Variants in COG5 observed in about 807,000 individuals in gnomAD.
COG5 encodes the protein component of oligomeric golgi complex 5.
COG5 carries 86 observed loss-of-function variants against 110.4 expected under a neutral mutation model. That is an observed-to-expected ratio of 0.78 (90% CI 0.65 to 0.93). The LOEUF (loss-of-function observed/expected upper bound fraction) is 0.93. Ranked by LOEUF, COG5 falls within the 40% of genes least tolerant of loss-of-function variation. The pLI is 0.00. For synonymous variants in COG5, 360 were observed against 334.6 expected (o/e 1.08, Z -0.83); for missense variants, 1,077 against 987.0 (o/e 1.09, Z -1.22).
chr7:107,324,857 G>T (rs1312104481), intron 10 of COG5, among the ~76,000 whole-genome samples: 1 of 152,112 alleles, frequency 6.6e-6, no homozygotes, highest in East Asian at 1.9e-4. Flanking sequence ...ATTAATAAAA[G>T]TCTTGGGACA....
chr7:107,468,315 A>G (rs1463541462), intron 6 of COG5, among the ~76,000 whole-genome samples: 1 of 152,068 alleles, frequency 6.6e-6, no homozygotes, highest in Non-Finnish European at 1.5e-5. Context: ...TCTGGCAGAA[A>G]AGCACTCTGC....
intron 5 of COG5, among the ~76,000 whole-genome samples, chr7:107,541,496 C>CAAAAAAAA (rs869244428): frequency 1.3e-4 from 4 of 31,958 alleles, no homozygotes; most frequent in Non-Finnish European, 1.4e-4. Context: ...GACCCTGTCT[C>CAAAAAAAA]AAAAAAAAAA....
At chr7:107,247,083 C>G (rs934992648) in intron 17 of COG5, among the ~76,000 whole-genome samples, 1 of 152,156 alleles carries the variant, frequency 6.6e-6, no homozygotes, top group African/African-American at 2.4e-5. Flanking sequence ...ATGGATGGAG[C>G]TGGATGCTAT....
chr7:107,501,895 T>C (rs746189229), intron 6 of COG5, among the ~76,000 whole-genome samples: 5 of 152,098 alleles, frequency 3.3e-5, no homozygotes, highest in Non-Finnish European at 7.4e-5. Flanking sequence ...GATATACACA[T>C]ATACATTACA....
At chr7:107,328,058 G>A (rs1397164208) in intron 10 of COG5, among the ~76,000 whole-genome samples, 2 of 152,168 alleles carry the variant, frequency 1.3e-5, no homozygotes, top group Non-Finnish European at 2.9e-5. Context: ...AGAATGAATG[G>A]ATAAAGAAAA....
At chr7:107,340,644 C>T (rs1445969647) in intron 10 of COG5, among the ~76,000 whole-genome samples, 2 of 152,102 alleles carry the variant, frequency 1.3e-5, no homozygotes, top group African/African-American at 4.8e-5. Flanking sequence ...AAAATACTAG[C>T]AAATGGAATC....
intron 19 of COG5, among the ~76,000 whole-genome samples, chr7:107,229,855 TTTG>T (rs1800645073): frequency 6.6e-6 from 1 of 150,828 alleles, no homozygotes; most frequent in Middle Eastern, 3.2e-3. Flanking sequence ...GTTTTTTTTT[TTTG>T]TTTTTTTTTT....
intron 16 of COG5, among the ~76,000 whole-genome samples, chr7:107,250,617 A>G (rs1461570047): frequency 1.3e-5 from 2 of 152,168 alleles, no homozygotes; most frequent in African/African-American, 4.8e-5. Flanking sequence ...TCAGGCAAGA[A>G]CCTCAATGAG....
chr7:107,375,292 T>C (rs898248157), intron 7 of COG5, among the ~76,000 whole-genome samples: 1 of 152,084 alleles, frequency 6.6e-6, no homozygotes, highest in Non-Finnish European at 1.5e-5. Context: ...TAGGCTTACT[T>C]CTACCTTTAG....
chr7:107,482,257 C>G (rs904741934), intron 6 of COG5, among the ~76,000 whole-genome samples: 2 of 151,846 alleles, frequency 1.3e-5, no homozygotes, highest in Admixed American at 6.6e-5. Flanking sequence ...ATTCTCACAC[C>G]TCAGCCTCCT....
chr7:107,388,372 G>A (rs886944489), intron 7 of COG5, among the ~76,000 whole-genome samples: 5 of 152,274 alleles, frequency 3.3e-5, no homozygotes, highest in Middle Eastern at 3.4e-3. Flanking sequence ...CGTTTATGGG[G>A]TGGCCCAAAA....
At chr7:107,318,618 TGA>T (rs146000621) in intron 11 of COG5, among the ~76,000 whole-genome samples, 2,163 of 152,324 alleles carry the variant, frequency 0.014, 60 homozygotes, top group African/African-American at 0.047. Flanking sequence ...CTGGTAGGGC[TGA>T]GTTTCTCTTC....
At chr7:107,291,712 G>A (rs746498278) in intron 12 of COG5, among the ~76,000 whole-genome samples, 10 of 152,100 alleles carry the variant, frequency 6.6e-5, no homozygotes, top group Non-Finnish European at 1.2e-4. Context: ...AATCTACAAA[G>A]GAGCTAATTG....
intron 10 of COG5, among the ~76,000 whole-genome samples, chr7:107,354,887 CA>C (rs1255798832): frequency 6.6e-6 from 1 of 152,152 alleles, no homozygotes; most frequent in Non-Finnish European, 1.5e-5. Context: ...TATCTGATAG[CA>C]GGTCAAAATT....
At chr7:107,288,230 A>C (rs762749154) in intron 12 of COG5, among the ~76,000 whole-genome samples, 5 of 152,090 alleles carry the variant, frequency 3.3e-5, no homozygotes, top group Non-Finnish European at 7.4e-5. Flanking sequence ...CAGGCATGGG[A>C]GTGCACGCCT....
intron 5 of COG5, among the ~76,000 whole-genome samples, chr7:107,530,616 A>AC (rs919326027): frequency 6.6e-6 from 1 of 151,186 alleles, no homozygotes; most frequent in African/African-American, 2.4e-5. Context: ...AAAAAAAAAA[A>AC]AAAAAAAAAA....
In COG5 at chr7:107,261,137, A is replaced by G. The variant is rs577569203; in HGVS notation, c.1576-2754T>C. 7.6e-4 allele frequency among the ~76,000 whole-genome samples: 115 copies of G among 152,222 alleles called. 1 individual carries two copies. The highest frequency in any genetic ancestry group is 1.2e-3 in the Non-Finnish European group (84 of 68,006). On this transcript the variant is annotated intron_variant, in intron 14 of 21. Transcript: ENST00000297135. ...CATATGCAGGTTTTATATCCTGTGA[A>G]TAGGGTATTTTTGATCTGCCTTTGG...
At chr7:107,259,752 GTTATT>G (rs1803179709) in intron 14 of COG5, among the ~76,000 whole-genome samples, 1 of 152,082 alleles carries the variant, frequency 6.6e-6, no homozygotes, top group Non-Finnish European at 1.5e-5. Context: ...GAATTTTTAT[GTTATT>G]TTATTTCAAT....
At chr7:107,508,185 C>T (rs1256957424) in intron 6 of COG5, among the ~76,000 whole-genome samples, 1 of 152,242 alleles carries the variant, frequency 6.6e-6, no homozygotes, top group Non-Finnish European at 1.5e-5. Context: ...CACCCTAATA[C>T]TGCACTTTTC....
Sources: gnomAD v4.1 joint callset for allele counts (sites outside exome capture counted in the v4.1 genomes callset) on GRCh38, gnomAD v4.1.1 for gene constraint, MANE v1.5 for transcripts, NCBI Gene and HGNC (gene_info 2026-07-23, HGNC 2026-07-21) for gene names.